PCSK5: variants seen among roughly 807,000 people sequenced by gnomAD.
PCSK5 encodes prohormone convertase 5.
A neutral mutation model predicts 233.2 loss-of-function variants in PCSK5; 129 were observed. The observed-to-expected ratio is 0.55, with a 90% confidence interval of 0.48 to 0.64. The LOEUF (loss-of-function observed/expected upper bound fraction) is 0.64. PCSK5 is among the 30% of genes least tolerant of loss of function. The pLI is 0.00. For missense variants in PCSK5, 2,076 were observed against 2,430.1 expected (o/e 0.85, Z 3.06); for synonymous variants, 825 against 879.2 (o/e 0.94, Z 1.09).
In PCSK5 at chr9:75,969,048, G is replaced by T. The variant is rs150365520; in HGVS notation, c.298-17084G>T. On this transcript the variant is annotated intron_variant, in intron 2 of 37. Coordinates refer to ENST00000674117, the MANE Select transcript of PCSK5 (RefSeq NM_001372043.1). Reference sequence around the variant, plus strand: ...CCTCTATGGCGGGGGGTGGGGGGGCGGTTCTGGCATCATCACAGCTGAGGA... The same window carrying T: ...CCTCTATGGCGGGGGGTGGGGGGGCTGTTCTGGCATCATCACAGCTGAGGA... 5.5e-3 allele frequency among the ~76,000 whole-genome samples: 822 copies of T among 150,184 alleles called. 7 individuals carry two copies. Among genetic ancestry groups the T allele is most frequent in the Non-Finnish European group, 8.9e-3 (605 of 67,634 alleles).
In PCSK5 at chr9:76,268,069, C is replaced by G. The variant is rs192411602; in HGVS notation, c.3143-24164C>G. On this transcript the variant is annotated intron_variant, in intron 24 of 37. Transcript: ENST00000674117. Reference sequence around the variant, plus strand: ...TGACTTGTGCCACAGACTAAGACATCTGCCATTAATTGGTGGGACAGCAAA... The same window carrying G: ...TGACTTGTGCCACAGACTAAGACATGTGCCATTAATTGGTGGGACAGCAAA... Among the ~76,000 whole-genome samples, 101 of 152,272 alleles carry G rather than the reference C, an allele frequency of 6.6e-4. 2 individuals carry two copies. The highest frequency in any genetic ancestry group is 2.7e-3 in the Admixed American group (41 of 15,292).
chr9:76,296,379 T>G (rs1828437931), intron 26 of PCSK5, among the ~76,000 whole-genome samples: 1 of 152,076 alleles, frequency 6.6e-6, no homozygotes, highest in Admixed American at 6.6e-5. Flanking sequence ...AAACCCCATC[T>G]CTACTAAAAA....
At chr9:76,048,530 C>T (rs1055370592) in intron 5 of PCSK5, among the ~76,000 whole-genome samples, 6 of 152,188 alleles carry the variant, frequency 3.9e-5, no homozygotes, top group African/African-American at 1.4e-4. Flanking sequence ...ATATATTTTG[C>T]ATTTTCCTGT....
At chr9:75,962,681 C>A (rs1048887404) in intron 2 of PCSK5, among the ~76,000 whole-genome samples, 1 of 152,150 alleles carries the variant, frequency 6.6e-6, no homozygotes, top group Non-Finnish European at 1.5e-5. Flanking sequence ...GGAAGCTGAT[C>A]GAGAACCAGC....
At chr9:75,982,053 A>C (rs772226100) in intron 2 of PCSK5, among the ~76,000 whole-genome samples, 5 of 152,194 alleles carry the variant, frequency 3.3e-5, no homozygotes, top group African/African-American at 7.2e-5. Flanking sequence ...ATCACTTTAG[A>C]GAGATGCCAA....
At chr9:76,040,774 T>C (rs1313304162) in intron 5 of PCSK5, among the ~76,000 whole-genome samples, 1 of 152,180 alleles carries the variant, frequency 6.6e-6, no homozygotes, top group Non-Finnish European at 1.5e-5. Flanking sequence ...ATGGAAACAA[T>C]TGTAGTTAAT....
rs1830693134 is a variant in PCSK5, at chr9:76,077,808, G to C, written c.894+5910G>C. ...CATTTTCTTTATCCAATCCACCATT[G>C]ATTGGGCACCTAGGTTGATTCCATG... On this transcript the variant is annotated intron_variant, in intron 7 of 37. Coordinates refer to ENST00000674117, the MANE Select transcript of PCSK5 (RefSeq NM_001372043.1). Among the ~76,000 whole-genome samples the C allele has an allele frequency of 2.0e-5, 3 of 152,266 alleles. No homozygotes were observed. The South Asian group carries it at 6.2e-4, about 32-fold the overall frequency.
At position 76,181,530 on chromosome 9, in the gene PCSK5, T is replaced by C; in HGVS notation, c.2136T>C (p.Phe712=). The change falls in exon 16 of 38, where the codon TTT becomes TTC. Residue 712 remains phenylalanine (F), a synonymous_variant. Transcript: ENST00000674117. ...DQCMSCKYGY[F]LNEETNSCVT... ...GCATGTCCTGCAAATATGGATACTT[T>C]CTGAATGAAGAAACCAACAGCTGTG... 1.9e-6 allele frequency: 3 copies of C among 1,614,058 alleles called. No homozygotes were observed. The highest frequency in any genetic ancestry group is 2.5e-6 in the Non-Finnish European group (3 of 1,179,956).
Position 75,926,009 on chromosome 9 carries a change from A to G in PCSK5, c.193-6370A>G, listed in dbSNP as rs554678545. 9.2e-5 allele frequency among the ~76,000 whole-genome samples: 14 copies of G among 152,300 alleles called. 1 individual carries two copies. The South Asian group carries it at 2.3e-3, about 25-fold the overall frequency. On this transcript the variant is annotated intron_variant, in intron 1 of 37. Coordinates refer to ENST00000674117, the MANE Select transcript of PCSK5 (RefSeq NM_001372043.1). Reference sequence around the variant, plus strand: ...GGGAAGAGGTTCGTCAACAAGAACAATGGTCTTGATGACTTGGTTCTCCCC... The same window carrying G: ...GGGAAGAGGTTCGTCAACAAGAACAGTGGTCTTGATGACTTGGTTCTCCCC...
chr9:76,146,163 G>A (rs977464331), intron 10 of PCSK5, among the ~76,000 whole-genome samples: 7 of 151,930 alleles, frequency 4.6e-5, no homozygotes, highest in African/African-American at 1.7e-4. Context: ...TTCATTTTAT[G>A]GTATTATACC....
At chr9:75,931,090 A>C (rs1016035704) in intron 1 of PCSK5, among the ~76,000 whole-genome samples, 1 of 152,202 alleles carries the variant, frequency 6.6e-6, no homozygotes, top group South Asian at 2.1e-4. Context: ...CTTTGTTTCA[A>C]ATCTTAATGA....
At chr9:76,340,740 C>G (rs1437594659) in intron 35 of PCSK5, among the ~76,000 whole-genome samples, 3 of 150,354 alleles carry the variant, frequency 2.0e-5, no homozygotes, top group African/African-American at 7.3e-5. Flanking sequence ...GTTTATTGAT[C>G]CTTCCTTTGT....
At chr9:76,193,407 T>TAA in intron 20 of PCSK5, 1 of 608,306 alleles carries the variant, frequency 1.6e-6, no homozygotes, top group Non-Finnish European at 2.1e-6. Flanking sequence ...TCCATATTAT[T>TAA]AAAAAGAAAA....
intron 10 of PCSK5, among the ~76,000 whole-genome samples, chr9:76,151,831 A>G (rs556085987): frequency 1.7e-4 from 26 of 152,356 alleles, no homozygotes; most frequent in African/African-American, 6.3e-4. Context: ...CTCAAATTAT[A>G]AAGTTATTCT....
intron 34 of PCSK5, 113 bp from the exon 35 acceptor site, chr9:76,338,115 TAA>T: frequency 1.5e-6 from 1 of 687,848 alleles, no homozygotes; most frequent in Non-Finnish European, 2.5e-6. Flanking sequence ...ATGAGTAAGG[TAA>T]AGAGGCTAAA....
At chr9:76,286,347 T>C (rs1360179230) in intron 24 of PCSK5, 3 of 152,266 alleles carry the variant, frequency 2.0e-5, no homozygotes, top group Non-Finnish European at 4.4e-5. Flanking sequence ...TAGAAAAGCA[T>C]GGCCATTGTT....
At chr9:76,240,873 A>G (rs1826408975) in intron 24 of PCSK5, among the ~76,000 whole-genome samples, 189 bp downstream of exon 24, 1 of 152,214 alleles carries the variant, frequency 6.6e-6, no homozygotes, top group East Asian at 1.9e-4. Context: ...CTTTTGAAGC[A>G]ATGAATGGGT....
chr9:76,110,703 A>C lies in PCSK5; in HGVS notation c.1208+3352A>C, dbSNP rs371196920. On this transcript the variant is annotated intron_variant, in intron 9 of 37. Transcript: ENST00000674117. ...AGAATGAGACCTTATCTCAAAAAAAAAGGTTGTGGGGGAGAAAGAAAAAGA... is the reference window on the plus strand; with the variant it reads ...AGAATGAGACCTTATCTCAAAAAAACAGGTTGTGGGGGAGAAAGAAAAAGA... Among the ~76,000 whole-genome samples the C allele has an allele frequency of 3.3e-5, 5 of 152,228 alleles. No homozygotes were observed. The East Asian group carries it at 9.6e-4, about 29-fold the overall frequency.
intron 18 of PCSK5, 137 bp from the exon 19 acceptor site, chr9:76,188,957 A>G (rs1397464837): frequency 1.3e-6 from 1 of 792,906 alleles, no homozygotes; most frequent in South Asian, 2.0e-5. Flanking sequence ...CTTTTTTCCC[A>G]GGGAAATCAA....
Sources: gnomAD v4.1 joint callset for allele counts (sites outside exome capture counted in the v4.1 genomes callset) on GRCh38, gnomAD v4.1.1 for gene constraint, MANE v1.5 for transcripts, NCBI Gene and HGNC (gene_info 2026-07-23, HGNC 2026-07-21) for gene names.